The following CHODL variants were observed in gnomAD, a reference collection of about 807,000 sequenced individuals.
The protein encoded by CHODL is transmembrane protein MT75.
Under a neutral mutation model 34.5 loss-of-function variants are expected in CHODL, and 29 were observed. That is an observed-to-expected ratio of 0.84 (90% CI 0.63 to 1.15). The LOEUF (loss-of-function observed/expected upper bound fraction) is 1.15. Ranked by LOEUF, CHODL falls within the 50% of genes most tolerant of loss-of-function variation. The pLI, the probability that CHODL is intolerant of heterozygous loss-of-function variation, is 0.00. For synonymous variants in CHODL, 125 were observed against 116.1 expected (o/e 1.08, Z -0.49); for missense variants, 332 against 332.5 (o/e 1.00, Z 0.01).
chr21:18,168,038 T>C (rs2073178967), intron 2 of CHODL, among the ~76,000 whole-genome samples: 2 of 152,150 alleles, frequency 1.3e-5, no homozygotes, highest in Admixed American at 1.3e-4. Context: ...CTTTCTCCTG[T>C]GATGAATTCT....
chr21:18,000,917 C>A (rs1465284435), intron 1 of CHODL, among the ~76,000 whole-genome samples: 1 of 152,012 alleles, frequency 6.6e-6, no homozygotes, highest in African/African-American at 2.4e-5. Context: ...CAACACTGAA[C>A]TTTCCGAAAA....
At chr21:18,089,909 G>T (rs1355935626) in intron 2 of CHODL, among the ~76,000 whole-genome samples, 1 of 152,184 alleles carries the variant, frequency 6.6e-6, no homozygotes, top group Non-Finnish European at 1.5e-5. Flanking sequence ...GCGGAAGAGG[G>T]TTACAGACTA....
intron 2 of CHODL, among the ~76,000 whole-genome samples, chr21:18,210,374 A>G (rs1306228153): frequency 6.6e-6 from 1 of 152,154 alleles, no homozygotes; most frequent in African/African-American, 2.4e-5. Flanking sequence ...GATGGGATGC[A>G]GGTGGTGTTG....
chr21:17,933,863 A>G (rs545288860), intron 1 of CHODL, among the ~76,000 whole-genome samples: 1 of 152,028 alleles, frequency 6.6e-6, no homozygotes, highest in African/African-American at 2.4e-5. Context: ...ACATGGTGAA[A>G]TCCCATCTCT....
intron 5 of CHODL, among the ~76,000 whole-genome samples, chr21:18,264,601 C>CAAA (rs564344974): frequency 1.5e-4 from 10 of 68,810 alleles, no homozygotes; most frequent in South Asian, 5.9e-4. Flanking sequence ...GGGTCTGTCT[C>CAAA]AAAAAAAAAA....
intron 2 of CHODL, among the ~76,000 whole-genome samples, chr21:18,059,304 T>C (rs894259324): frequency 6.6e-6 from 1 of 152,140 alleles, no homozygotes; most frequent in Non-Finnish European, 1.5e-5. Context: ...ACTCCTGGGC[T>C]CCAGAGGTTT....
chr21:17,978,683 C>A (rs1189096365), intron 1 of CHODL, among the ~76,000 whole-genome samples: 17 of 150,782 alleles, frequency 1.1e-4, no homozygotes, highest in South Asian at 6.3e-4. Flanking sequence ...ATGCCACTGC[C>A]CTCCAGCCCG....
chr21:18,068,377 A>G (rs2064756628), intron 2 of CHODL, among the ~76,000 whole-genome samples: 1 of 152,004 alleles, frequency 6.6e-6, no homozygotes, highest in Non-Finnish European at 1.5e-5. Context: ...TTGTATTTTT[A>G]GTAGGAACAG....
chr21:18,146,396 G>C (rs146782281), intron 2 of CHODL, among the ~76,000 whole-genome samples: 1 of 152,092 alleles, frequency 6.6e-6, no homozygotes, highest in East Asian at 1.9e-4. Context: ...CCCACATAGT[G>C]GGGGCGGGAC....
intron 3 of CHODL, among the ~76,000 whole-genome samples, chr21:18,258,173 T>C (rs1239986488): frequency 6.6e-6 from 1 of 151,850 alleles, no homozygotes; most frequent in Non-Finnish European, 1.5e-5. Context: ...TGCTCTTGAG[T>C]GTATTAGCCA....
At chr21:18,175,947 G>A (rs1296633761) in intron 2 of CHODL, among the ~76,000 whole-genome samples, 1 of 152,194 alleles carries the variant, frequency 6.6e-6, no homozygotes, top group Non-Finnish European at 1.5e-5. Flanking sequence ...TTCTTTTGGT[G>A]AAGGGATTAG....
At chr21:18,185,864 C>G (rs1041684976) in intron 2 of CHODL, among the ~76,000 whole-genome samples, 2 of 152,260 alleles carry the variant, frequency 1.3e-5, no homozygotes, top group East Asian at 3.9e-4. Context: ...AGCTAGCTGT[C>G]TAGGGTCTCT....
intron 2 of CHODL, among the ~76,000 whole-genome samples, chr21:18,202,783 A>G (rs1251654996): frequency 2.0e-5 from 3 of 152,194 alleles, no homozygotes; most frequent in Non-Finnish European, 2.9e-5. Context: ...TGGAAAAACC[A>G]TTTGGTTTTT....
chr21:18,178,958 G>C (rs757365910), intron 2 of CHODL, among the ~76,000 whole-genome samples: 1 of 152,152 alleles, frequency 6.6e-6, no homozygotes, highest in South Asian at 2.1e-4. Flanking sequence ...TCAGAGGATG[G>C]AGCCAATAGA....
intron 2 of CHODL, among the ~76,000 whole-genome samples, chr21:18,192,928 A>T (rs977136514): frequency 4.4e-4 from 67 of 152,298 alleles, no homozygotes; most frequent in African/African-American, 1.5e-3. Flanking sequence ...CTACTTTTTT[A>T]AAAAGAGTAG....
chr21:18,198,624 G>A (rs1352459408), intron 2 of CHODL, among the ~76,000 whole-genome samples: 1 of 152,046 alleles, frequency 6.6e-6, no homozygotes, highest in Non-Finnish European at 1.5e-5. Flanking sequence ...TAGATTTCTG[G>A]TGGTGTTTTG....
intron 2 of CHODL, among the ~76,000 whole-genome samples, chr21:18,101,768 C>A (rs994652677): frequency 6.7e-6 from 1 of 149,534 alleles, no homozygotes; most frequent in Non-Finnish European, 1.5e-5. Flanking sequence ...GAAAGTTTCT[C>A]ATCCATGGTA....
chr21:18,045,836 G>A (rs978354993), intron 2 of CHODL, among the ~76,000 whole-genome samples: 1 of 151,876 alleles, frequency 6.6e-6, no homozygotes. Flanking sequence ...GCCATGTGAG[G>A]ACACAGCATT....
intron 2 of CHODL, among the ~76,000 whole-genome samples, chr21:18,070,560 A>T (rs575364961): frequency 1.3e-5 from 2 of 152,322 alleles, no homozygotes; most frequent in South Asian, 4.1e-4. Flanking sequence ...GCAGGAAGGC[A>T]TTATTTTAAT....
Sources: allele counts gnomAD v4.1 joint callset (sites outside exome capture counted in the v4.1 genomes callset), GRCh38; gene constraint gnomAD v4.1.1; transcripts MANE v1.5; gene names NCBI Gene and HGNC (gene_info 2026-07-23, HGNC 2026-07-21).